THSD7B: variants seen among roughly 807,000 people sequenced by gnomAD.
The protein encoded by THSD7B is thrombospondin type-1 domain-containing protein 7B.
Under a neutral mutation model 213.6 loss-of-function variants are expected in THSD7B, and 138 were observed. That is an observed-to-expected ratio of 0.65 (90% CI 0.56 to 0.74). The LOEUF (loss-of-function observed/expected upper bound fraction) is 0.74. Among genes scored for constraint, THSD7B ranks in the 30% least tolerant of loss-of-function variants. The pLI is 0.00. For missense variants in THSD7B, 1,931 were observed against 1,991.5 expected (o/e 0.97, Z 0.58); for synonymous variants, 742 against 687.0 (o/e 1.08, Z -1.25).
chr2:137,452,040 T>C, intron 15 of THSD7B: 1 of 958,720 alleles, frequency 1.0e-6, no homozygotes, highest in African/African-American at 1.8e-5. Flanking sequence ...TTAGTACTGC[T>C]CAGACTTGAA....
intron 2 of THSD7B, among the ~76,000 whole-genome samples, chr2:136,895,409 A>G (rs567113528): frequency 1.3e-5 from 2 of 151,332 alleles, no homozygotes; most frequent in African/African-American, 4.9e-5. Context: ...TCCACAGAGG[A>G]TCTCATTAAT....
intron 17 of THSD7B, among the ~76,000 whole-genome samples, chr2:137,586,402 C>G (rs1180334952): frequency 6.6e-6 from 1 of 151,944 alleles, no homozygotes; most frequent in East Asian, 1.9e-4. Flanking sequence ...TTATTTTGCC[C>G]ATTAGTTGAT....
intron 21 of THSD7B, among the ~76,000 whole-genome samples, chr2:137,653,289 T>C (rs910989225): frequency 1.3e-5 from 2 of 152,154 alleles, no homozygotes; most frequent in African/African-American, 2.4e-5. Flanking sequence ...AAAGATCTGT[T>C]GCCAGATAAG....
intron 2 of THSD7B, among the ~76,000 whole-genome samples, chr2:136,929,123 C>A (rs549540017): frequency 2.6e-5 from 4 of 152,046 alleles, no homozygotes; most frequent in Non-Finnish European, 5.9e-5. Flanking sequence ...ATGAAAAGGA[C>A]CCAGATGGAT....
intron 15 of THSD7B, among the ~76,000 whole-genome samples, chr2:137,459,901 T>C (rs903409601): frequency 2.6e-5 from 4 of 152,062 alleles, no homozygotes; most frequent in Non-Finnish European, 4.4e-5. Context: ...ACAAAAATGG[T>C]TTATTTTTGC....
At chr2:137,302,055 G>T (rs549345285) in intron 12 of THSD7B, among the ~76,000 whole-genome samples, 1 of 152,064 alleles carries the variant, frequency 6.6e-6, no homozygotes, top group Non-Finnish European at 1.5e-5. Context: ...GTCATTAGAC[G>T]TAAGAAAGGG....
chr2:137,508,603 A>G (rs1014129909), intron 15 of THSD7B, among the ~76,000 whole-genome samples: 4 of 146,454 alleles, frequency 2.7e-5, no homozygotes, highest in Non-Finnish European at 6.0e-5. Flanking sequence ...GTTAGCCAGG[A>G]TGGTTTCAAT....
chr2:136,769,377 T>C (rs547907453), intron 1 of THSD7B, among the ~76,000 whole-genome samples: 4 of 152,334 alleles, frequency 2.6e-5, no homozygotes, highest in African/African-American at 9.6e-5. Flanking sequence ...ATCATTTTGT[T>C]GCTACCACAT....
At chr2:137,395,334 C>G (rs543345001) in intron 12 of THSD7B, among the ~76,000 whole-genome samples, 1 of 150,190 alleles carries the variant, frequency 6.7e-6, no homozygotes, top group Admixed American at 6.6e-5. Flanking sequence ...TGAAATATGT[C>G]CCATCATTAC....
intron 7 of THSD7B, among the ~76,000 whole-genome samples, chr2:137,192,970 G>A (rs2889002): frequency 0.092 from 13,975 of 152,024 alleles, 855 homozygotes; most frequent in African/African-American, 0.17. Context: ...TTGTGTGTGC[G>A]TATGTGTATG....
At chr2:136,905,760 G>T (rs1455596340) in intron 2 of THSD7B, among the ~76,000 whole-genome samples, 1 of 152,228 alleles carries the variant, frequency 6.6e-6, no homozygotes. Flanking sequence ...TGAGACAAAT[G>T]ATCATTATGG....
intron 10 of THSD7B, among the ~76,000 whole-genome samples, chr2:137,254,308 A>G (rs955677334): frequency 6.6e-6 from 1 of 152,222 alleles, no homozygotes; most frequent in Non-Finnish European, 1.5e-5. Context: ...ATTTGCTGAT[A>G]TCTAAAATAT....
intron 15 of THSD7B, among the ~76,000 whole-genome samples, chr2:137,513,337 A>T (rs1680005711): frequency 1.3e-5 from 2 of 152,220 alleles, no homozygotes; most frequent in African/African-American, 4.8e-5. Context: ...TTAAAAAATT[A>T]ATTACATTGC....
chr2:136,945,941 CCTT>C (rs1371274146), intron 2 of THSD7B, among the ~76,000 whole-genome samples: 2 of 152,182 alleles, frequency 1.3e-5, no homozygotes, highest in African/African-American at 4.8e-5. Context: ...TTATTACCGA[CCTT>C]CTAAAGCCTA....
intron 15 of THSD7B, among the ~76,000 whole-genome samples, chr2:137,470,910 C>CTTTTTTTTTTTTTTTTTTTTT (rs70978226): frequency 1.3e-4 from 16 of 119,820 alleles, no homozygotes; most frequent in African/African-American, 2.8e-4. Flanking sequence ...TTTTTCTTTA[C>CTTTTTTTTTTTTTTTTTTTTT]TTTTTTTTTT....
intron 13 of THSD7B, among the ~76,000 whole-genome samples, chr2:137,408,189 G>A (rs1209790139): frequency 6.6e-6 from 1 of 151,994 alleles, no homozygotes; most frequent in African/African-American, 2.4e-5. Context: ...TAATTAAGAA[G>A]GATATCATAA....
chr2:136,833,987 GT>G (rs553878217), intron 1 of THSD7B, among the ~76,000 whole-genome samples: 18 of 152,242 alleles, frequency 1.2e-4, no homozygotes, highest in Middle Eastern at 3.4e-3. Flanking sequence ...GAGTTTAATA[GT>G]TTAGCCAGAA....
At chr2:136,848,685 C>G (rs1391032960) in intron 1 of THSD7B, among the ~76,000 whole-genome samples, 2 of 152,054 alleles carry the variant, frequency 1.3e-5, no homozygotes, top group East Asian at 3.8e-4. Flanking sequence ...GTAAATCTGT[C>G]AATCATTTTG....
chr2:137,374,967 G>C (rs1685619278), intron 12 of THSD7B, among the ~76,000 whole-genome samples: 2 of 152,280 alleles, frequency 1.3e-5, no homozygotes, highest in South Asian at 2.1e-4. Context: ...TTGGATCGTG[G>C]ACATTGTCAT....
Sources: allele counts gnomAD v4.1 joint callset (sites outside exome capture counted in the v4.1 genomes callset), GRCh38; gene constraint gnomAD v4.1.1; transcripts MANE v1.5; gene names NCBI Gene and HGNC (gene_info 2026-07-23, HGNC 2026-07-21).